Variants in THSD4 observed in about 807,000 individuals in gnomAD.
THSD4 encodes thrombospondin type-1 domain-containing protein 4.
Under a neutral mutation model 119.0 loss-of-function variants are expected in THSD4, and 69 were observed. The observed-to-expected ratio is 0.58, with a 90% CI of 0.48 to 0.71. THSD4 has a LOEUF of 0.71. Ranked by LOEUF, THSD4 falls within the 30% of genes least tolerant of loss-of-function variation. The pLI is 0.00. For missense variants in THSD4, 1,393 were observed against 1,391.1 expected, an observed-to-expected ratio of 1.00 and a Z score of -0.02; for synonymous variants, 524 against 540.4, an observed-to-expected ratio of 0.97 and a Z score of 0.42.
chr15:71,425,968 A>C (rs949072313), intron 7 of THSD4, among the ~76,000 whole-genome samples: 6 of 152,138 alleles, frequency 3.9e-5, no homozygotes, highest in African/African-American at 1.4e-4. Context: ...GCTTACTCTG[A>C]ATTTCTCGAG....
intron 7 of THSD4, among the ~76,000 whole-genome samples, chr15:71,541,959 C>T (rs762082226): frequency 4.6e-5 from 7 of 152,238 alleles, no homozygotes; most frequent in East Asian, 1.9e-4. Context: ...AGGAAGAGAA[C>T]GTATTGCAAA....
chr15:71,118,877 G>A (rs2040385791), intron 1 of THSD4, among the ~76,000 whole-genome samples: 1 of 152,162 alleles, frequency 6.6e-6, no homozygotes, highest in African/African-American at 2.4e-5. Flanking sequence ...CCCCTCTTGG[G>A]ATCCCCCAAT....
Position 71,554,286 on chromosome 15 carries a change from T to TG in THSD4, c.1153-106241dup, listed in dbSNP as rs749257853. Among the ~76,000 whole-genome samples, 11 of 150,874 alleles carry TG rather than the reference T, an allele frequency of 7.3e-5. 1 individual carries two copies. Among genetic ancestry groups the TG allele is most frequent in the Admixed American group, 5.3e-4 (8 of 15,128 alleles). On this transcript the variant is annotated intron_variant, in intron 7 of 17. Transcript: ENST00000261862. ...TTTTTTTGTATTTTTTTAGTAGAGA[T>TG]GGGTTTCACCGTGTTAACCAGGATG...
chr15:71,568,076 C>G lies in THSD4; in HGVS notation c.1153-92454C>G, dbSNP rs181091715. The stretch of plus-strand genomic sequence containing the variant: ...GGTATAGGATGAGTATAAATAAATA[C>G]AAAAGCCAATTACACACCAAAAAGA... On this transcript the variant is annotated intron_variant, in intron 7 of 17. Coordinates refer to ENST00000261862, the MANE Select transcript of THSD4 (RefSeq NM_024817.3). Among the ~76,000 whole-genome samples the G allele has an allele frequency of 2.2e-3, 328 of 152,196 alleles. 1 individual carries two copies. Among genetic ancestry groups the G allele is most frequent in the Middle Eastern group, 0.014 (4 of 294 alleles).
At chr15:71,638,806 G>C (rs2050799693) in intron 7 of THSD4, among the ~76,000 whole-genome samples, 1 of 152,190 alleles carries the variant, frequency 6.6e-6, no homozygotes, top group South Asian at 2.1e-4. Flanking sequence ...CATTATGCTT[G>C]AGTGACAACT....
At chr15:71,325,930 C>T (rs11855327) in intron 6 of THSD4, among the ~76,000 whole-genome samples, 7,712 of 152,198 alleles carry the variant, frequency 0.051, 210 homozygotes, top group Non-Finnish European at 0.063. Context: ...TTTTTCCTCA[C>T]CCCTGAGTAA....
At position 71,478,433 on chromosome 15, in the gene THSD4, A is replaced by C. The variant is rs73441551; in HGVS notation, c.1152+66610A>C. ...CATATTTTAGTAAATAAACACATGCATACAGTATCTGTGAGGATCTATTTA... is the reference window on the plus strand; with the variant it reads ...CATATTTTAGTAAATAAACACATGCCTACAGTATCTGTGAGGATCTATTTA... On this transcript the variant is annotated intron_variant, in intron 7 of 17. Transcript: ENST00000261862. 7.7e-3 allele frequency among the ~76,000 whole-genome samples: 1,172 copies of C among 152,356 alleles called. 16 individuals carry two copies. The highest frequency in any genetic ancestry group is 0.027 in the African/African-American group (1,131 of 41,572).
chr15:71,757,723 G>C (rs1190509922), intron 14 of THSD4, among the ~76,000 whole-genome samples, 179 bp from the exon 15 acceptor site: 1 of 152,228 alleles, frequency 6.6e-6, no homozygotes, highest in Non-Finnish European at 1.5e-5. Flanking sequence ...ATCTAAGACA[G>C]AGAATTGCCA....
rs534994088 is a variant in THSD4, at chr15:71,415,750, A to C, written c.1152+3927A>C. Among the ~76,000 whole-genome samples, 26 of 152,114 alleles carry C rather than the reference A, an allele frequency of 1.7e-4. No individual in the cohort carries two copies. In the South Asian group the frequency reaches 3.3e-3, roughly 19 times the overall value. On this transcript the variant is annotated intron_variant, in intron 7 of 17. Coordinates refer to ENST00000261862, the MANE Select transcript of THSD4 (RefSeq NM_024817.3). The stretch of plus-strand genomic sequence containing the variant: ...CTATCTCCATGAGTTCAATTGTTTT[A>C]ATTTTTGGCTTCCACAAATAAGTGA...
intron 4 of THSD4, among the ~76,000 whole-genome samples, chr15:71,220,598 T>C (rs2043967076): frequency 6.6e-6 from 1 of 152,192 alleles, no homozygotes; most frequent in East Asian, 1.9e-4. Context: ...AATACATTCA[T>C]ATTGCCTGGC....
chr15:71,634,491 C>T (rs1345822120), intron 7 of THSD4, among the ~76,000 whole-genome samples: 1 of 152,242 alleles, frequency 6.6e-6, no homozygotes. Context: ...ACAAGCACAT[C>T]TGCGTCCCAA....
intron 3 of THSD4, among the ~76,000 whole-genome samples, chr15:71,179,908 C>T (rs1422226557): frequency 8.8e-5 from 5 of 56,858 alleles, no homozygotes; most frequent in Non-Finnish European, 1.5e-4. Context: ...AACCAAACAC[C>T]GCATATTCTC....
At chr15:71,329,048 G>T (rs1596340471) in intron 6 of THSD4, among the ~76,000 whole-genome samples, 1 of 152,304 alleles carries the variant, frequency 6.6e-6, no homozygotes, top group African/African-American at 2.4e-5. Flanking sequence ...TTCAAGCCAA[G>T]CCAGGGCATC....
chr15:71,100,589 C>T (rs77566732), intron 1 of THSD4, among the ~76,000 whole-genome samples: 2,213 of 152,250 alleles, frequency 0.015, 65 homozygotes, highest in African/African-American at 0.051. Flanking sequence ...AGATAATAAA[C>T]ATATGTTCTT....
intron 7 of THSD4, among the ~76,000 whole-genome samples, chr15:71,483,304 C>A (rs75422507): frequency 6.6e-6 from 1 of 152,034 alleles, no homozygotes; most frequent in Non-Finnish European, 1.5e-5. Context: ...AATCTTCATA[C>A]GTGTGAATAT....
At chr15:71,197,070 C>A (rs565016847) in intron 3 of THSD4, among the ~76,000 whole-genome samples, 1 of 152,280 alleles carries the variant, frequency 6.6e-6, no homozygotes, top group South Asian at 2.1e-4. Context: ...TCTTGAAAGC[C>A]CCAGGAAACC....
At chr15:71,314,428 TCC>T (rs1310814701) in intron 6 of THSD4, among the ~76,000 whole-genome samples, 1 of 152,138 alleles carries the variant, frequency 6.6e-6, no homozygotes, top group Non-Finnish European at 1.5e-5. Flanking sequence ...TGCCTCAGCC[TCC>T]CAGGTAGCTG....
intron 8 of THSD4, among the ~76,000 whole-genome samples, chr15:71,681,604 G>A (rs1028119324): frequency 6.6e-6 from 1 of 151,778 alleles, no homozygotes; most frequent in South Asian, 2.1e-4. Context: ...GAACCGGGGG[G>A]GTGGAGGTTG....
In THSD4 at chr15:71,393,628, TG is replaced by T. The variant is rs200836907; in HGVS notation, c.1016-18056del. ...CTATTTATTTTGTTTTGAAAGCTCC[TG>T]GGTGTCTGGGATTGTATCTATTCAT... On this transcript the variant is annotated intron_variant, in intron 6 of 17. Transcript: ENST00000261862. 6.1e-3 allele frequency among the ~76,000 whole-genome samples: 931 copies of T among 152,298 alleles called. 10 individuals carry two copies. The highest frequency in any genetic ancestry group is 0.021 in the African/African-American group (876 of 41,558).
Sources: allele counts gnomAD v4.1 joint callset (sites outside exome capture counted in the v4.1 genomes callset), GRCh38; gene constraint gnomAD v4.1.1; transcripts MANE v1.5; gene names NCBI Gene and HGNC (gene_info 2026-07-23, HGNC 2026-07-21).